The following RAB11FIP3 variants were observed in gnomAD, a reference collection of about 807,000 sequenced individuals.
The protein encoded by RAB11FIP3 is RAB11 family interacting protein 3, also known as rab11 family-interacting protein 3.
RAB11FIP3 carries 17 observed loss-of-function variants against 77.8 expected under a neutral mutation model. The ratio of observed to expected loss-of-function variants is 0.22; its 90% CI spans 0.15 to 0.33. The LOEUF (loss-of-function observed/expected upper bound fraction) is 0.33, where lower values mean the gene tolerates loss of function less well. Ranked by LOEUF, RAB11FIP3 falls within the 10% of genes least tolerant of loss-of-function variation. The pLI, the probability that RAB11FIP3 is intolerant of heterozygous loss-of-function variation, is 1.00. For missense variants in RAB11FIP3, 1,005 were observed against 1,011.2 expected (o/e 0.99, Z 0.08); for synonymous variants, 437 against 448.2 (o/e 0.98, Z 0.31).
chr16:483,559 C>A (rs1440147829), intron 4 of RAB11FIP3, among the ~76,000 whole-genome samples: 1 of 152,178 alleles, frequency 6.6e-6, no homozygotes, highest in Admixed American at 6.5e-5. Flanking sequence ...TGAAAGAAAT[C>A]CGAGTATTTT....
chr16:433,964 A>G lies in RAB11FIP3; in HGVS notation c.714+7244A>G, dbSNP rs1005992643. ...ATTCCATATCTTTGCTATTGAGAAC[A>G]GTGCTGCAGTAAACATGGGGTGCAG... On this transcript the variant is annotated intron_variant, in intron 1 of 13. Transcript: ENST00000262305. 9.2e-5 allele frequency among the ~76,000 whole-genome samples: 14 copies of G among 152,208 alleles called. No individual in the cohort carries two copies. The Middle Eastern group carries it at 0.017, about 185-fold the overall frequency.
chr16:491,126 CT>C (rs2030143643), intron 5 of RAB11FIP3: 2 of 1,291,462 alleles, frequency 1.5e-6, no homozygotes, highest in Admixed American at 2.3e-5. Context: ...ATGCTTCTGT[CT>C]CTCTAGCACT....
chr16:490,560 C>T (rs568365068), intron 5 of RAB11FIP3, among the ~76,000 whole-genome samples: 19 of 152,262 alleles, frequency 1.2e-4, no homozygotes, highest in Middle Eastern at 6.8e-3. Flanking sequence ...TGGTCTCAAA[C>T]GCCTGAGCTC....
At chr16:456,441 AAAAAAAAAAAAG>A (rs2055504825) in intron 1 of RAB11FIP3, among the ~76,000 whole-genome samples, 1 of 145,234 alleles carries the variant, frequency 6.9e-6, no homozygotes, top group Non-Finnish European at 1.5e-5. Context: ...CCCTGTCTCA[AAAAAAAAAAAAG>A]AAAAAGAAAA....
chr16:511,396 G>A (rs1162494506), intron 9 of RAB11FIP3, among the ~76,000 whole-genome samples: 3 of 108,088 alleles, frequency 2.8e-5, no homozygotes, highest in African/African-American at 3.7e-5. Context: ...AGAGGTTCCC[G>A]ACAGCCCGCC....
chr16:453,071 A>AT (rs913623888), intron 1 of RAB11FIP3, among the ~76,000 whole-genome samples: 3 of 93,666 alleles, frequency 3.2e-5, no homozygotes, highest in Non-Finnish European at 4.3e-5. Flanking sequence ...TTATTTTTTA[A>AT]TTTTTTTTTA....
chr16:496,390 A>T (rs2031131094), intron 5 of RAB11FIP3, among the ~76,000 whole-genome samples: 1 of 152,224 alleles, frequency 6.6e-6, no homozygotes, highest in Non-Finnish European at 1.5e-5. Flanking sequence ...TCTGAGCATG[A>T]TGCATCAGTG....
chr16:511,805 A>C (rs1483216288), intron 9 of RAB11FIP3, among the ~76,000 whole-genome samples: 171 of 64,136 alleles, frequency 2.7e-3, no homozygotes, highest in Middle Eastern at 0.014. Context: ...CACCCCAGAA[A>C]CTGCAGGCCA....
chr16:490,561 G>A (rs1202565907), intron 5 of RAB11FIP3, among the ~76,000 whole-genome samples: 2 of 152,146 alleles, frequency 1.3e-5, no homozygotes, highest in East Asian at 1.9e-4. Context: ...GGTCTCAAAC[G>A]CCTGAGCTCA....
At position 520,581 on chromosome 16, in the gene RAB11FIP3, C is replaced by T; in HGVS notation, c.2139C>T (p.Ser713=). The T allele has an allele frequency of 6.2e-7, 1 of 1,613,496 alleles. No homozygotes were observed. The highest frequency in any genetic ancestry group is 8.5e-7 in the Non-Finnish European group (1 of 1,179,962). ...AFSESLAAEI[S]SVSRDELMEA... Reference sequence around the variant, plus strand: ...CTGAGTCCCTGGCTGCAGAGATCAGCTCCGTCTCCCGAGATGAGGTAACAC... The same window carrying T: ...CTGAGTCCCTGGCTGCAGAGATCAGTTCCGTCTCCCGAGATGAGGTAACAC... Residue 713 remains serine, a synonymous_variant, in exon 13 of 14, where the codon AGC becomes AGT. Coordinates refer to ENST00000262305, the MANE Select transcript of RAB11FIP3 (RefSeq NM_014700.4).
chr16:504,086 AC>A (rs1192341217), intron 7 of RAB11FIP3, among the ~76,000 whole-genome samples: 15 of 9,434 alleles, frequency 1.6e-3, no homozygotes, highest in African/African-American at 5.3e-3. Flanking sequence ...CTCCTTGTGT[AC>A]CCCCTCACCT....
intron 1 of RAB11FIP3, among the ~76,000 whole-genome samples, chr16:450,963 G>A (rs1057305754): frequency 5.3e-5 from 8 of 151,848 alleles, no homozygotes; most frequent in East Asian, 1.9e-4. Flanking sequence ...TTACCGCAGC[G>A]CTCTGCCTGC....
chr16:492,360 T>TCCCGGGAGACCCGAGGCCGCCCAGGGC, intron 5 of RAB11FIP3, among the ~76,000 whole-genome samples: 4 of 25,632 alleles, frequency 1.6e-4, no homozygotes, highest in Non-Finnish European at 3.0e-4. Flanking sequence ...TTGAAGAGGG[T>TCCCGGGAGACCCGAGGCCGCCCAGGGC]CTTCCCGGGA....
chr16:442,452 T>A (rs1297246980), intron 1 of RAB11FIP3, among the ~76,000 whole-genome samples: 1 of 152,202 alleles, frequency 6.6e-6, no homozygotes, highest in Non-Finnish European at 1.5e-5. Flanking sequence ...GGGGTTGCTA[T>A]TTCAGGAGGA....
chr16:512,602 G>A (rs2032238119), intron 9 of RAB11FIP3, among the ~76,000 whole-genome samples: 1 of 147,948 alleles, frequency 6.8e-6, no homozygotes, highest in Non-Finnish European at 1.5e-5. Context: ...AGAGTGCAGT[G>A]GGGCGATCTT....
intron 7 of RAB11FIP3, among the ~76,000 whole-genome samples, chr16:503,709 G>A (rs2031656806): frequency 1.3e-5 from 2 of 152,026 alleles, no homozygotes; most frequent in South Asian, 2.1e-4. Flanking sequence ...GTGAAAACCC[G>A]TCTCTACTAA....
At position 426,236 on chromosome 16, in the gene RAB11FIP3, G is replaced by T. The variant is rs1418112507; in HGVS notation, c.230G>T (p.Gly77Val). The T allele has an allele frequency of 9.3e-7, 1 of 1,073,170 alleles. No homozygotes were observed. The highest frequency in any genetic ancestry group is 6.5e-5 in the East Asian group (1 of 15,406). The allele number at this position is 1,073,170 out of a possible 1,614,324, so 66.5% of individuals were successfully genotyped here. ...GARWSAGPAP[G>V]LEGGPRDPGP... Reference sequence around the variant, plus strand: ...CGTTGGAGCGCCGGGCCGGCCCCGGGGCTGGAGGGAGGCCCGCGAGACCCC... The same window carrying T: ...CGTTGGAGCGCCGGGCCGGCCCCGGTGCTGGAGGGAGGCCCGCGAGACCCC... Residue 77 changes from glycine to valine, a missense_variant, in exon 1 of 14, where the codon GGG (glycine) becomes GTG (valine). Transcript: ENST00000262305. This position sits in a 1 kb window ranked among gnomAD's most constrained non-coding sequence, Gnocchi z 5.0.
Position 425,911 on chromosome 16 carries a change from G to A in RAB11FIP3, c.-96G>A. The A allele has an allele frequency of 2.7e-6, 1 of 366,192 alleles. No individual in the cohort carries two copies. Among genetic ancestry groups the A allele is most frequent in the Non-Finnish European group, 3.8e-6 (1 of 264,576 alleles). The allele number at this position is 366,192 out of a possible 1,614,324, so 22.7% of individuals were successfully genotyped here. A position where few individuals can be genotyped will look rare whatever the true frequency, so the allele number is the denominator to read the frequency against. The stretch of plus-strand genomic sequence containing the variant: ...CAGCCCGGGCGCCCCGCGCGCGCCC[G>A]CCCGCGCCGCCGAGGGGATGCCCGC... On this transcript the variant is annotated 5_prime_UTR_variant, in exon 1 of 14. Coordinates refer to ENST00000262305, the MANE Select transcript of RAB11FIP3 (RefSeq NM_014700.4).
Position 471,520 on chromosome 16 carries a change from T to C in RAB11FIP3, c.903+131T>C. On this transcript the variant is annotated intron_variant, in intron 3 of 13. Coordinates refer to ENST00000262305, the MANE Select transcript of RAB11FIP3 (RefSeq NM_014700.4). This position sits in a 1 kb window ranked among gnomAD's most constrained non-coding sequence, Gnocchi z 4.4. The stretch of plus-strand genomic sequence containing the variant: ...GGCGTGAAGGAAGGGCCTCCCGCCC[T>C]GTGTGCACCGTGGGGCTCTGTGGCT... 1 of 759,458 alleles carries C rather than the reference T, an allele frequency of 1.3e-6. No homozygotes were observed. Among genetic ancestry groups the C allele is most frequent in the Non-Finnish European group, 2.2e-6 (1 of 449,280 alleles). 47.0% of individuals were successfully genotyped at this position (759,458 alleles called of 1,614,324 possible). A position where few individuals can be genotyped will look rare whatever the true frequency, so the allele number is the denominator to read the frequency against.
Sources: gnomAD v4.1 joint callset for allele counts (sites outside exome capture counted in the v4.1 genomes callset) on GRCh38, gnomAD v4.1.1 for gene constraint, Gnocchi (gnomAD v3.1) non-coding constraint, MANE v1.5 for transcripts, NCBI Gene and HGNC (gene_info 2026-07-23, HGNC 2026-07-21) for gene names.